UTRN: variants seen among roughly 807,000 people sequenced by gnomAD.
UTRN encodes dystrophin-related protein 1.
A neutral mutation model predicts 463.9 loss-of-function variants in UTRN; 283 were observed. The observed-to-expected ratio is 0.61, with a 90% CI of 0.55 to 0.67. The LOEUF (loss-of-function observed/expected upper bound fraction) is 0.67, where lower values mean the gene tolerates loss of function less well. Ranked by LOEUF, UTRN falls within the 30% of genes least tolerant of loss-of-function variation. UTRN has a pLI of 0.00. For missense variants in UTRN, 3,922 were observed against 4,084.3 expected (o/e 0.96, Z 1.08); for synonymous variants, 1,442 against 1,431.5 (o/e 1.01, Z -0.17).
In UTRN at chr6:144,493,401, G is replaced by A; in HGVS notation, c.4538G>A (p.Gly1513Glu). 1.2e-6 allele frequency: 2 copies of A among 1,614,008 alleles called. No homozygotes were observed. The highest frequency in any genetic ancestry group is 2.2e-5 in the East Asian group (1 of 44,888). Reference sequence around the variant, plus strand: ...AAACAGCAAACGGACAACCCAAAAGGGATGGATGAGCAGCTGACTTCCCTG... The same window carrying A: ...AAACAGCAAACGGACAACCCAAAAGAGATGGATGAGCAGCTGACTTCCCTG... ...VQKQQTDNPK[G>E]MDEQLTSLKV... Residue 1513 changes from glycine (G) to glutamate (E), a missense_variant, in exon 33 of 75, where the codon GGG becomes GAG. Around this residue, in one of 3 missense-constraint regions of UTRN, gnomAD observed 2,349 missense variants for 2,303.8 expected, o/e 1.02. Coordinates refer to ENST00000367545, the MANE Select transcript of UTRN (RefSeq NM_007124.3).
intron 3 of UTRN, among the ~76,000 whole-genome samples, chr6:144,414,578 G>A (rs553949203): frequency 2.6e-5 from 4 of 152,254 alleles, no homozygotes; most frequent in African/African-American, 7.2e-5. Context: ...TGTAGCCTAA[G>A]TGTACAGTGT....
intron 53 of UTRN, among the ~76,000 whole-genome samples, chr6:144,704,167 T>A (rs1296547331): frequency 1.3e-5 from 2 of 152,198 alleles, no homozygotes; most frequent in African/African-American, 4.8e-5. Context: ...GCACTGGAGA[T>A]ATATCCTCAC....
chr6:144,730,448 C>G lies in UTRN; in HGVS notation c.7901C>G (p.Ala2634Gly). 1.2e-6 allele frequency: 2 copies of G among 1,610,514 alleles called. No homozygotes were observed. Among genetic ancestry groups the G allele is most frequent in the Non-Finnish European group, 8.5e-7 (1 of 1,178,160 alleles). The change falls in exon 54 of 75, where the codon GCC (alanine) becomes GGC (glycine). Residue 2634 changes from alanine (A) to glycine (G), a missense_variant. Ala to Gly is a moderately conservative substitution (Grantham distance 60). Around this residue, in one of 3 missense-constraint regions of UTRN, gnomAD observed 1,309 missense variants for 1,452.6 expected, o/e 0.90. Transcript: ENST00000367545. ...TTCTTGGCTGATCAGCCAATTGAGG[C>G]CCCTGAAGAGCCAAGAAGAAACCTA... ...RVFLADQPIEAPEEPRRNLQS... is the reference protein window; with the variant it reads ...RVFLADQPIEGPEEPRRNLQS...
intron 61 of UTRN, among the ~76,000 whole-genome samples, chr6:144,782,447 C>T (rs114463338): frequency 0.014 from 2,177 of 152,122 alleles, 54 homozygotes; most frequent in African/African-American, 0.05. Flanking sequence ...TAATGTCTCA[C>T]AGTATTTCTT....
intron 17 of UTRN, among the ~76,000 whole-genome samples, chr6:144,449,689 A>G (rs1298483358): frequency 2.0e-5 from 3 of 152,238 alleles, no homozygotes; most frequent in Non-Finnish European, 4.4e-5. Flanking sequence ...TGATGAAAAG[A>G]TAAAATATTC....
intron 34 of UTRN, among the ~76,000 whole-genome samples, chr6:144,505,571 G>C (rs1008757136): frequency 6.6e-6 from 1 of 152,188 alleles, no homozygotes; most frequent in African/African-American, 2.4e-5. Flanking sequence ...TTTTGAGTGC[G>C]TTTCTTAATC....
Position 144,828,846 on chromosome 6 carries a change from C to A in UTRN, c.9656C>A (p.Thr3219Lys). The A allele has an allele frequency of 6.2e-7, 1 of 1,613,382 alleles. No homozygotes were observed. Among genetic ancestry groups the A allele is most frequent in the South Asian group, 1.1e-5 (1 of 91,056 alleles). ...GSFLTDSSST[T>K]GSVEDEHALI... The stretch of plus-strand genomic sequence containing the variant: ...TTTCTCACTGATAGCAGCTCCACCA[C>A]AGGAAGTGTGTAAGTAAATCATGAA... Residue 3219 changes from threonine (T) to lysine (K), a missense_variant, in exon 69 of 75, where the codon ACA (threonine) becomes AAA (lysine). Physicochemically the swap from Thr to Lys is moderately conservative, Grantham distance 78. Coordinates refer to ENST00000367545, the MANE Select transcript of UTRN (RefSeq NM_007124.3).
At chr6:144,792,325 A>T (rs9497084) in intron 62 of UTRN, among the ~76,000 whole-genome samples, 2,769 of 152,262 alleles carry the variant, frequency 0.018, 79 homozygotes, top group African/African-American at 0.063. Context: ...TGTAGGGCAG[A>T]TCAACTGTGA....
At chr6:144,846,760 G>T in intron 73 of UTRN, 45 bp from the exon 74 acceptor site, 1 of 1,613,870 alleles carries the variant, frequency 6.2e-7, no homozygotes, top group Non-Finnish European at 8.5e-7. Flanking sequence ...AACCAACAAA[G>T]TAACAGGACT....
chr6:144,648,207 A>G (rs908321661), intron 51 of UTRN, among the ~76,000 whole-genome samples: 1 of 152,194 alleles, frequency 6.6e-6, no homozygotes, highest in African/African-American at 2.4e-5. Flanking sequence ...CTTCAGTAAT[A>G]TAGAGAAACT....
chr6:144,479,521 G>GA (rs1292268719), intron 25 of UTRN, among the ~76,000 whole-genome samples: 1 of 152,054 alleles, frequency 6.6e-6, no homozygotes, highest in African/African-American at 2.4e-5. Context: ...TTATAGATTA[G>GA]ATTCCTACAT....
At chr6:144,466,625 A>G (rs1189769435) in intron 23 of UTRN, among the ~76,000 whole-genome samples, 5 of 152,144 alleles carry the variant, frequency 3.3e-5, no homozygotes, top group Non-Finnish European at 5.9e-5. Flanking sequence ...TCTTTTTTCC[A>G]TTATTGATTT....
At chr6:144,798,975 T>C (rs1392912224) in intron 64 of UTRN, among the ~76,000 whole-genome samples, 3 of 152,176 alleles carry the variant, frequency 2.0e-5, no homozygotes, top group African/African-American at 4.8e-5. Context: ...CTCCCGACCA[T>C]GTGATCTGTC....
chr6:144,434,107 G>A (rs973784371), intron 9 of UTRN, among the ~76,000 whole-genome samples: 37 of 152,254 alleles, frequency 2.4e-4, no homozygotes, highest in Non-Finnish European at 4.3e-4. Context: ...TCGGGAGGCC[G>A]AGGCTGGCGG....
At position 144,286,263 on chromosome 6, in the gene UTRN, C is replaced by T. The variant is rs1188751061; in HGVS notation, c.-93+442C>T. Among the ~76,000 whole-genome samples the T allele has an allele frequency of 1.3e-5, 2 of 152,176 alleles. No homozygotes were observed. Among genetic ancestry groups the T allele is most frequent in the Non-Finnish European group, 2.9e-5 (2 of 68,036 alleles). ...CTTAGGAGAGTCTGTCACAGACACC[C>T]GGGCCCGGGGAAGGCGGGGCTCCGG... On this transcript the variant is annotated intron_variant, in intron 1 of 74. Coordinates refer to ENST00000367545, the MANE Select transcript of UTRN (RefSeq NM_007124.3). This position sits in a 1 kb window ranked among gnomAD's most constrained non-coding sequence, Gnocchi z 4.4.
intron 41 of UTRN, among the ~76,000 whole-genome samples, chr6:144,525,613 T>G (rs765072974): frequency 6.6e-6 from 1 of 151,978 alleles, no homozygotes; most frequent in Non-Finnish European, 1.5e-5. Flanking sequence ...ATTTTATTTA[T>G]TTTTTTAGAG....
At chr6:144,348,859 A>G (rs892509352) in intron 2 of UTRN, among the ~76,000 whole-genome samples, 4 of 152,028 alleles carry the variant, frequency 2.6e-5, no homozygotes, top group Admixed American at 2.6e-4. Context: ...GCTTGAACCT[A>G]GGAGGCAGAG....
chr6:144,734,059 A>G (rs531931199), intron 54 of UTRN, among the ~76,000 whole-genome samples: 2 of 152,154 alleles, frequency 1.3e-5, no homozygotes, highest in Non-Finnish European at 2.9e-5. Context: ...CTGACTTCAT[A>G]TACAACCTAT....
At chr6:144,643,651 G>A (rs1263974673) in intron 51 of UTRN, among the ~76,000 whole-genome samples, 1 of 152,020 alleles carries the variant, frequency 6.6e-6, no homozygotes, top group Non-Finnish European at 1.5e-5. Flanking sequence ...ACAAAAATTA[G>A]CCAGGCATGG....
Sources: allele counts gnomAD v4.1 joint callset (sites outside exome capture counted in the v4.1 genomes callset), GRCh38; gene constraint gnomAD v4.1.1; regional missense constraint gnomAD v4.1.1; non-coding constraint Gnocchi (gnomAD v3.1); transcripts MANE v1.5; gene names NCBI Gene and HGNC (gene_info 2026-07-23, HGNC 2026-07-21).